The following FAM13A variants were observed in gnomAD, a reference collection of about 807,000 sequenced individuals.
FAM13A encodes the protein protein FAM13A.
FAM13A carries 76 observed loss-of-function variants against 129.6 expected under a neutral mutation model. The observed-to-expected ratio is 0.59, with a 90% CI of 0.49 to 0.71. FAM13A has a LOEUF of 0.71. Among genes scored for constraint, FAM13A ranks in the 30% least tolerant of loss-of-function variants. The pLI, the probability that FAM13A is intolerant of heterozygous loss-of-function variation, is 0.00. For synonymous variants in FAM13A, 443 were observed against 449.9 expected, an observed-to-expected ratio of 0.98 and a Z score of 0.20; for missense variants, 1,108 against 1,249.3, an observed-to-expected ratio of 0.89 and a Z score of 1.70.
intron 7 of FAM13A, among the ~76,000 whole-genome samples, chr4:88,828,042 T>C (rs1386501114): frequency 6.6e-6 from 1 of 152,230 alleles, no homozygotes; most frequent in African/African-American, 2.4e-5. Context: ...TATTTGCTCA[T>C]GCTGTTCCCT....
intron 2 of FAM13A, among the ~76,000 whole-genome samples, chr4:89,021,247 C>T (rs1384804738): frequency 6.6e-6 from 1 of 152,150 alleles, no homozygotes; most frequent in Non-Finnish European, 1.5e-5. Flanking sequence ...GAGAAGGCCT[C>T]CTGGAGGAGG....
chr4:88,981,499 C>T (rs1158115858), intron 4 of FAM13A, among the ~76,000 whole-genome samples: 1 of 152,152 alleles, frequency 6.6e-6, no homozygotes, highest in African/African-American at 2.4e-5. Context: ...AAATCTCTCA[C>T]CTAATCTTAA....
At chr4:89,026,719 T>C (rs1449345019) in intron 2 of FAM13A, among the ~76,000 whole-genome samples, 1 of 152,156 alleles carries the variant, frequency 6.6e-6, no homozygotes, top group African/African-American at 2.4e-5. Flanking sequence ...ACCACCCCCA[T>C]GATTCAATTA....
chr4:88,949,583 T>A (rs557192342), intron 4 of FAM13A, among the ~76,000 whole-genome samples: 13 of 152,250 alleles, frequency 8.5e-5, no homozygotes, highest in Non-Finnish European at 1.6e-4. Context: ...TTCCTTAATA[T>A]GTTATAAATG....
intron 5 of FAM13A, among the ~76,000 whole-genome samples, chr4:88,922,729 C>T (rs1025331173): frequency 4.0e-5 from 6 of 151,886 alleles, no homozygotes; most frequent in South Asian, 2.1e-4. Flanking sequence ...AATAGAGACA[C>T]AAAAAACCTT....
intron 7 of FAM13A, among the ~76,000 whole-genome samples, chr4:88,845,950 A>G (rs1736572828): frequency 1.3e-5 from 2 of 152,244 alleles, no homozygotes; most frequent in Admixed American, 1.3e-4. Flanking sequence ...TATCTATCAA[A>G]TTAAGAACAC....
intron 6 of FAM13A, among the ~76,000 whole-genome samples, chr4:88,876,140 C>T (rs1387783870): frequency 6.6e-6 from 1 of 152,048 alleles, no homozygotes; most frequent in East Asian, 1.9e-4. Flanking sequence ...AGGGCCTGTC[C>T]TGGGATGGGG....
intron 7 of FAM13A, among the ~76,000 whole-genome samples, chr4:88,809,280 T>C (rs1160976553): frequency 1.3e-5 from 2 of 152,172 alleles, no homozygotes; most frequent in Non-Finnish European, 2.9e-5. Context: ...TTCCATTCCC[T>C]TTTTAACTCT....
At chr4:89,029,873 G>A (rs530899038) in intron 1 of FAM13A, 87 of 552,050 alleles carry the variant, frequency 1.6e-4, no homozygotes, top group African/African-American at 1.3e-3. Context: ...CAAATGAAGT[G>A]TGCAGCTAAG....
chr4:88,771,143 C>T (rs1473619408), intron 11 of FAM13A, among the ~76,000 whole-genome samples: 3 of 109,386 alleles, frequency 2.7e-5, no homozygotes, highest in East Asian at 2.5e-4. Context: ...TGCTACAACC[C>T]GGAAAGCATT....
At chr4:88,970,108 T>C (rs1442530008) in intron 4 of FAM13A, among the ~76,000 whole-genome samples, 1 of 152,240 alleles carries the variant, frequency 6.6e-6, no homozygotes, top group Non-Finnish European at 1.5e-5. Context: ...ATGAGGATTA[T>C]GAAAAGCTTA....
intron 4 of FAM13A, among the ~76,000 whole-genome samples, chr4:88,941,018 G>T (rs987314): frequency 6.6e-6 from 1 of 151,984 alleles, no homozygotes; most frequent in Non-Finnish European, 1.5e-5. Flanking sequence ...CTACTCAGCT[G>T]CAAACATGAG....
chr4:89,009,973 C>A (rs1765531469), intron 3 of FAM13A, among the ~76,000 whole-genome samples: 2 of 152,200 alleles, frequency 1.3e-5, no homozygotes, highest in South Asian at 4.1e-4. Flanking sequence ...TAGTCAGAGT[C>A]CTCTGGTGAG....
intron 4 of FAM13A, among the ~76,000 whole-genome samples, chr4:88,974,455 C>T (rs74552809): frequency 6.6e-6 from 1 of 152,050 alleles, no homozygotes; most frequent in Admixed American, 6.6e-5. Flanking sequence ...AGACCAGGAA[C>T]CAAAAGTCAC....
intron 8 of FAM13A, 139 bp from the exon 9 acceptor site, chr4:88,790,766 G>T: frequency 8.7e-6 from 6 of 690,394 alleles, no homozygotes; most frequent in Non-Finnish European, 1.5e-5. Flanking sequence ...ACCATCCAAT[G>T]AAAGATGCTC....
intron 6 of FAM13A, among the ~76,000 whole-genome samples, chr4:88,878,864 T>C (rs373331480): frequency 2.0e-5 from 3 of 152,354 alleles, no homozygotes; most frequent in African/African-American, 4.8e-5. Context: ...TGGAGCCTGA[T>C]AGTATGAAAC....
chr4:88,736,241 T>G (rs1203261877), intron 21 of FAM13A: 2 of 152,208 alleles, frequency 1.3e-5, no homozygotes, highest in African/African-American at 4.8e-5. Flanking sequence ...AAGTTCTACT[T>G]AATACAGTGA....
At chr4:88,874,350 G>A (rs1741989809) in intron 6 of FAM13A, among the ~76,000 whole-genome samples, 1 of 152,162 alleles carries the variant, frequency 6.6e-6, no homozygotes. Flanking sequence ...AAGTCAAAGT[G>A]TCTCTGTTTG....
At chr4:88,968,327 A>C (rs1759613717) in intron 4 of FAM13A, among the ~76,000 whole-genome samples, 1 of 152,206 alleles carries the variant, frequency 6.6e-6, no homozygotes, top group Non-Finnish European at 1.5e-5. Context: ...TGCAACACTT[A>C]TGTTCTAAAC....
Sources: gnomAD v4.1 joint callset for allele counts (sites outside exome capture counted in the v4.1 genomes callset) on GRCh38, gnomAD v4.1.1 for gene constraint, MANE v1.5 for transcripts, NCBI Gene and HGNC (gene_info 2026-07-23, HGNC 2026-07-21) for gene names.